The following MPDZ variants were observed in gnomAD, a reference collection of about 807,000 sequenced individuals.
MPDZ encodes multiple PDZ domain crumbs cell polarity complex component, also known as multiple PDZ domain protein.
Under a neutral mutation model 239.1 loss-of-function variants are expected in MPDZ, and 234 were observed. That is an observed-to-expected ratio of 0.98 (90% CI 0.88 to 1.09). The LOEUF is 1.09. Among genes scored for constraint, MPDZ ranks in the 50% least tolerant of loss-of-function variants. The pLI is 0.00. For synonymous variants in MPDZ, 1,048 were observed against 881.3 expected (o/e 1.19, Z -3.35); for missense variants, 3,175 against 2,510.0 (o/e 1.26, Z -5.66).
In MPDZ at chr9:13,175,757, C is replaced by A. The variant is rs868268296; in HGVS notation, c.3050G>T (p.Ser1017Ile). 3.2e-6 allele frequency: 5 copies of A among 1,568,988 alleles called. No homozygotes were observed. The highest frequency in any genetic ancestry group is 4.3e-6 in the Non-Finnish European group (5 of 1,155,046). The change falls in exon 21 of 47, where the codon AGC (serine) becomes ATC (isoleucine). Residue 1017 changes from serine (S) to isoleucine (I), a missense_variant. By Grantham distance (142) the Ser-to-Ile change is moderately radical. Transcript: ENST00000319217. ...RTINIAKGNS[S>I]LGMTVSANKD... Reference sequence around the variant, plus strand: ...GAGGAAAATGAGAAACTTACCTAGGCTAGAATTGCCTTTTGCTATATTAAT... The same window carrying A: ...GAGGAAAATGAGAAACTTACCTAGGATAGAATTGCCTTTTGCTATATTAAT...
rs1241361331 is a variant in MPDZ, at chr9:13,247,764, T to A, written c.54A>T (p.Gln18His). Residue 18 changes from glutamine (Q) to histidine (H), a missense_variant, in exon 3 of 47, where the codon CAA (glutamine) becomes CAT (histidine). Gln to His is a conservative substitution (Grantham distance 24, BLOSUM62 0). Coordinates refer to ENST00000319217, the MANE Select transcript of MPDZ (RefSeq NM_001378778.1). ...CATCCCCACGTTCTCGCAGCTTGGT[T>A]TGCAAGCGCTCTGCTGCATGCAGGG... ...NRALHAAERL[Q>H]TKLRERGDVA... 1 of 1,612,604 alleles carries A rather than the reference T, an allele frequency of 6.2e-7. No homozygotes were observed. Among genetic ancestry groups the A allele is most frequent in the Non-Finnish European group, 8.5e-7 (1 of 1,178,886 alleles).
At chr9:13,213,686 AT>A (rs1310744172) in intron 10 of MPDZ, among the ~76,000 whole-genome samples, 1 of 152,118 alleles carries the variant, frequency 6.6e-6, no homozygotes, top group Non-Finnish European at 1.5e-5. Flanking sequence ...AAGTCAAGTG[AT>A]TTTATTGAAA....
chr9:13,183,143 T>C (rs889629510), intron 19 of MPDZ, among the ~76,000 whole-genome samples: 3 of 152,098 alleles, frequency 2.0e-5, no homozygotes, highest in Non-Finnish European at 4.4e-5. Flanking sequence ...TATATGATGC[T>C]AAATTTTTCT....
At chr9:13,248,351 T>C (rs768787147) in intron 2 of MPDZ, among the ~76,000 whole-genome samples, 1 of 152,120 alleles carries the variant, frequency 6.6e-6, no homozygotes, top group Non-Finnish European at 1.5e-5. Flanking sequence ...CAAAATAGCA[T>C]ATTTACATCT....
At position 13,126,765 on chromosome 9, in the gene MPDZ, C is replaced by T. The variant is rs778866776; in HGVS notation, c.4472G>A (p.Gly1491Glu). The change falls in exon 33 of 47, where the codon GGG becomes GAG. Residue 1491 changes from glycine (G) to glutamate (E), a missense_variant. Gly to Glu is a moderately conservative substitution (Grantham distance 98). Coordinates refer to ENST00000319217, the MANE Select transcript of MPDZ (RefSeq NM_001378778.1). ...VQHLELPKDQGGLGIAISEED... is the reference protein window; with the variant it reads ...VQHLELPKDQEGLGIAISEED... ...TTCGCTGATAGCAATACCCAAACCC[C>T]CCTGATCCTAGAAAAGTAAAAACAA... 5.0e-6 allele frequency: 8 copies of T among 1,613,574 alleles called. No individual in the cohort carries two copies. In the South Asian group the frequency reaches 8.8e-5, roughly 18 times the overall value.
chr9:13,152,470 G>A (rs1949303206), intron 24 of MPDZ, among the ~76,000 whole-genome samples: 1 of 152,116 alleles, frequency 6.6e-6, no homozygotes, highest in African/African-American at 2.4e-5. Flanking sequence ...ATAAAGGGGA[G>A]TTTCCCAGTA....
At chr9:13,192,348 C>T in intron 14 of MPDZ, 53 bp from the exon 15 acceptor site, 4 of 1,443,326 alleles carry the variant, frequency 2.8e-6, no homozygotes, top group Non-Finnish European at 3.8e-6. Flanking sequence ...TATGAACATT[C>T]TTTTGAACAC....
chr9:13,160,220 T>C (rs1336126934), intron 23 of MPDZ, among the ~76,000 whole-genome samples: 1 of 152,202 alleles, frequency 6.6e-6, no homozygotes, highest in African/African-American at 2.4e-5. Context: ...GGTAAGAACA[T>C]GGAGTATGCT....
intron 34 of MPDZ, among the ~76,000 whole-genome samples, chr9:13,125,686 G>A (rs765527088): frequency 5.3e-5 from 8 of 152,062 alleles, no homozygotes; most frequent in African/African-American, 9.6e-5. Context: ...AATCTCATCC[G>A]TTTTTCTGAA....
chr9:13,122,878 T>C (rs967154735), intron 36 of MPDZ, among the ~76,000 whole-genome samples: 9 of 152,150 alleles, frequency 5.9e-5, no homozygotes, highest in African/African-American at 1.9e-4. Context: ...AATTAAAATG[T>C]AGCAAGGACT....
chr9:13,133,629 A>C (rs1946329547), intron 32 of MPDZ, among the ~76,000 whole-genome samples, 195 bp downstream of exon 32: 1 of 152,208 alleles, frequency 6.6e-6, no homozygotes, highest in African/African-American at 2.4e-5. Context: ...AATAAAACAC[A>C]AACTTCTCGG....
intron 19 of MPDZ, among the ~76,000 whole-genome samples, chr9:13,178,769 G>T (rs1160644986): frequency 1.3e-5 from 2 of 152,148 alleles, no homozygotes. Flanking sequence ...TATTCTCCCA[G>T]TCTGTCACTT....
chr9:13,132,881 A>T (rs1946214125), intron 32 of MPDZ, among the ~76,000 whole-genome samples: 1 of 152,158 alleles, frequency 6.6e-6, no homozygotes, highest in Non-Finnish European at 1.5e-5. Context: ...TCACTACAGT[A>T]TGTTGCCCTT....
chr9:13,208,754 G>C (rs953327346), intron 10 of MPDZ, among the ~76,000 whole-genome samples: 1 of 151,480 alleles, frequency 6.6e-6, no homozygotes, highest in African/African-American at 2.4e-5. Flanking sequence ...TTTTACTAGA[G>C]GGAATATTCA....
At chr9:13,216,338 C>G (rs1564054327) in intron 10 of MPDZ, among the ~76,000 whole-genome samples, 1 of 147,188 alleles carries the variant, frequency 6.8e-6, no homozygotes, top group African/African-American at 2.5e-5. Flanking sequence ...GGGCTGAAAG[C>G]AGCCGCGGCC....
intron 2 of MPDZ, among the ~76,000 whole-genome samples, chr9:13,249,008 A>AAAAAAAAAAAAC (rs1279043046): frequency 2.2e-4 from 27 of 125,350 alleles, no homozygotes; most frequent in Non-Finnish European, 3.4e-4. Context: ...AAAAAAAAAA[A>AAAAAAAAAAAAC]ATTGGAATCA....
intron 1 of MPDZ, 172 bp downstream of exon 1, chr9:13,279,228 C>A (rs1184970000): frequency 7.0e-6 from 1 of 142,672 alleles, no homozygotes. Context: ...CGCCCCACCG[C>A]CCCACGGCCC....
At chr9:13,146,359 T>C (rs1392120906) in intron 26 of MPDZ, among the ~76,000 whole-genome samples, 5 of 152,118 alleles carry the variant, frequency 3.3e-5, no homozygotes, top group Admixed American at 6.6e-5. Context: ...AGCTGTTGGT[T>C]ATTTTCATCA....
Position 13,121,824 on chromosome 9 carries a change from T to C in MPDZ, c.5146A>G (p.Lys1716Glu). ...LTLYRDEAPYKEEEVCDTLTI... is the reference protein window; with the variant it reads ...LTLYRDEAPYEEEEVCDTLTI... ...AGGGTGTCACACACTTCCTCCTCTT[T>C]GTATGGGGCCTCATCTCTGTAGAGT... Residue 1716 changes from lysine (K) to glutamate (E), a missense_variant, in exon 38 of 47, where the codon AAA becomes GAA. Coordinates refer to ENST00000319217, the MANE Select transcript of MPDZ (RefSeq NM_001378778.1). 1 of 1,613,958 alleles carries C rather than the reference T, an allele frequency of 6.2e-7. No homozygotes were observed.
Sources: gnomAD v4.1 joint callset for allele counts (sites outside exome capture counted in the v4.1 genomes callset) on GRCh38, gnomAD v4.1.1 for gene constraint, MANE v1.5 for transcripts, NCBI Gene and HGNC (gene_info 2026-07-23, HGNC 2026-07-21) for gene names.